Variants in PCDH9 observed in about 807,000 individuals in gnomAD.
PCDH9 encodes protocadherin 9.
PCDH9 carries 24 observed loss-of-function variants against 70.6 expected under a neutral mutation model. The observed-to-expected ratio is 0.34, with a 90% CI of 0.25 to 0.48. PCDH9 has a LOEUF of 0.48. Among genes scored for constraint, PCDH9 ranks in the 20% least tolerant of loss-of-function variants. PCDH9 has a pLI of 0.99. For synonymous variants in PCDH9, 562 were observed against 558.5 expected (o/e 1.01, Z -0.09); for missense variants, 1,281 against 1,503.6 (o/e 0.85, Z 2.45).
chr13:66,854,603 T>C (rs2081364899), intron 3 of PCDH9, among the ~76,000 whole-genome samples: 1 of 152,026 alleles, frequency 6.6e-6, no homozygotes, highest in Non-Finnish European at 1.5e-5. Flanking sequence ...AGTGTCTTTT[T>C]TAATGTCTAT....
intron 4 of PCDH9, among the ~76,000 whole-genome samples, chr13:66,340,315 T>C (rs879647015): frequency 6.6e-6 from 1 of 152,164 alleles, no homozygotes; most frequent in Non-Finnish European, 1.5e-5. Flanking sequence ...GAAAGGTAGA[T>C]TTGGGAGGCA....
intron 2 of PCDH9, among the ~76,000 whole-genome samples, chr13:66,909,403 T>A (rs1277207768): frequency 6.6e-6 from 1 of 151,560 alleles, no homozygotes; most frequent in Non-Finnish European, 1.5e-5. Context: ...GCAATCCCTA[T>A]CAAAATGCCA....
At chr13:66,954,454 T>A (rs1408995156) in intron 2 of PCDH9, among the ~76,000 whole-genome samples, 1 of 152,108 alleles carries the variant, frequency 6.6e-6, no homozygotes, top group Non-Finnish European at 1.5e-5. Flanking sequence ...ACTCCTACAA[T>A]TTTTTACCCT....
intron 4 of PCDH9, among the ~76,000 whole-genome samples, chr13:66,610,016 G>T (rs1284386458): frequency 2.0e-5 from 3 of 147,466 alleles, no homozygotes; most frequent in Non-Finnish European, 4.5e-5. Context: ...GGAGTGCAGT[G>T]GCGAGATCTC....
At chr13:66,906,098 G>A (rs932146505) in intron 2 of PCDH9, among the ~76,000 whole-genome samples, 3 of 152,106 alleles carry the variant, frequency 2.0e-5, no homozygotes, top group African/African-American at 7.2e-5. Context: ...AACAATACAT[G>A]AAAATAAATA....
intron 4 of PCDH9, among the ~76,000 whole-genome samples, chr13:66,401,525 C>T (rs1234429917): frequency 6.6e-6 from 1 of 152,034 alleles, no homozygotes; most frequent in Admixed American, 6.6e-5. Flanking sequence ...TCAGGTATGT[C>T]TTTATTAGCA....
chr13:66,339,051 C>A (rs931418050), intron 4 of PCDH9, among the ~76,000 whole-genome samples: 1 of 151,978 alleles, frequency 6.6e-6, no homozygotes, highest in African/African-American at 2.4e-5. Flanking sequence ...ACATGCACAT[C>A]CTTTAGTTTC....
intron 4 of PCDH9, among the ~76,000 whole-genome samples, chr13:66,366,760 A>G (rs984045981): frequency 6.6e-6 from 1 of 152,104 alleles, no homozygotes; most frequent in African/African-American, 2.4e-5. Flanking sequence ...ATTAGCTGAT[A>G]AAAATAGTAA....
At chr13:66,877,903 T>G (rs1731253868) in intron 3 of PCDH9, among the ~76,000 whole-genome samples, 1 of 152,210 alleles carries the variant, frequency 6.6e-6, no homozygotes, top group Admixed American at 6.5e-5. Flanking sequence ...CCACCAGCCC[T>G]TTCACCTTAC....
chr13:67,093,785 A>T (rs1358104598), intron 2 of PCDH9, among the ~76,000 whole-genome samples: 1 of 152,178 alleles, frequency 6.6e-6, no homozygotes, highest in Non-Finnish European at 1.5e-5. Flanking sequence ...ATGTAGTGTT[A>T]CAGGAATGGT....
At chr13:67,050,128 A>G (rs2139927807) in intron 2 of PCDH9, among the ~76,000 whole-genome samples, 1 of 152,320 alleles carries the variant, frequency 6.6e-6, no homozygotes, top group East Asian at 1.9e-4. Context: ...AAAAATAAAA[A>G]CATATTATTT....
chr13:66,651,107 A>T (rs1463461377), intron 3 of PCDH9, among the ~76,000 whole-genome samples: 1 of 151,976 alleles, frequency 6.6e-6, no homozygotes, highest in Non-Finnish European at 1.5e-5. Flanking sequence ...TAAACAACCT[A>T]AAAATGCATC....
chr13:66,813,154 A>C (rs2080539904), intron 3 of PCDH9, among the ~76,000 whole-genome samples: 1 of 152,190 alleles, frequency 6.6e-6, no homozygotes, highest in Non-Finnish European at 1.5e-5. Flanking sequence ...AACTCTTTTC[A>C]CTGGTTGGTA....
At chr13:67,002,627 T>C (rs1414294143) in intron 2 of PCDH9, among the ~76,000 whole-genome samples, 2 of 152,006 alleles carry the variant, frequency 1.3e-5, no homozygotes, top group African/African-American at 4.8e-5. Flanking sequence ...CTGTTTTGTT[T>C]CCAAACAGTA....
chr13:67,089,735 A>G (rs9571712), intron 2 of PCDH9, among the ~76,000 whole-genome samples: 55,375 of 151,854 alleles, frequency 0.36, 10,966 homozygotes, highest in East Asian at 0.59. Context: ...AATCCTCTAG[A>G]ACATGAAATT....
chr13:66,810,191 C>T (rs2080479314), intron 3 of PCDH9, among the ~76,000 whole-genome samples: 2 of 152,148 alleles, frequency 1.3e-5, no homozygotes, highest in East Asian at 1.9e-4. Flanking sequence ...CTTAAAAATA[C>T]TTTTAAGCAT....
intron 3 of PCDH9, among the ~76,000 whole-genome samples, chr13:66,900,643 T>C (rs781697626): frequency 1.3e-5 from 2 of 151,806 alleles, no homozygotes; most frequent in Non-Finnish European, 3.0e-5. Flanking sequence ...AACAAGCTAA[T>C]AATAATTAAA....
intron 4 of PCDH9, among the ~76,000 whole-genome samples, chr13:66,493,363 C>G (rs1451020528): frequency 2.6e-5 from 4 of 152,104 alleles, no homozygotes. Flanking sequence ...TCGCAAGGTT[C>G]TATTCTTAAT....
intron 4 of PCDH9, among the ~76,000 whole-genome samples, chr13:66,376,803 C>A (rs1277814894): frequency 6.6e-6 from 1 of 151,958 alleles, no homozygotes; most frequent in East Asian, 1.9e-4. Context: ...GAGACTACTG[C>A]CAAAAGACAA....
Sources: allele counts gnomAD v4.1 joint callset (sites outside exome capture counted in the v4.1 genomes callset), GRCh38; gene constraint gnomAD v4.1.1; transcripts MANE v1.5; gene names NCBI Gene and HGNC (gene_info 2026-07-23, HGNC 2026-07-21).